The following UMODL1 variants were observed in gnomAD, a reference collection of about 807,000 sequenced individuals.
UMODL1 encodes uromodulin-like 1.
A neutral mutation model predicts 136.3 loss-of-function variants in UMODL1; 128 were observed. The ratio of observed to expected loss-of-function variants is 0.94; its 90% CI spans 0.81 to 1.09. The LOEUF (loss-of-function observed/expected upper bound fraction) is 1.09, where lower values mean the gene tolerates loss of function less well. Among genes scored for constraint, UMODL1 ranks in the 50% least tolerant of loss-of-function variants. The probability of loss-of-function intolerance (pLI) is 0.00; values close to 1 mark genes in which losing one functional copy is unlikely to be tolerated. For missense variants in UMODL1, 1,766 were observed against 1,725.6 expected (o/e 1.02, Z -0.41); for synonymous variants, 721 against 720.0 (o/e 1.00, Z -0.02).
intron 2 of UMODL1, among the ~76,000 whole-genome samples, chr21:42,077,572 A>T (rs1040268880): frequency 6.6e-6 from 1 of 152,264 alleles, no homozygotes; most frequent in African/African-American, 2.4e-5. Context: ...GGTGATAGAC[A>T]CGAGGCTTTG....
intron 7 of UMODL1, 154 bp from the exon 8 acceptor site, chr21:42,102,012 T>C (rs2066640485): frequency 1.2e-5 from 7 of 580,834 alleles, no homozygotes; most frequent in Non-Finnish European, 1.8e-5. Context: ...GTTTCTTACA[T>C]TTATTTCCCC....
At chr21:42,120,486 G>A (rs1445936928) in intron 15 of UMODL1, 2 of 152,226 alleles carry the variant, frequency 1.3e-5, no homozygotes, top group African/African-American at 4.8e-5. Context: ...CCCCGCCCCG[G>A]GCTGTTATGC....
Position 42,109,616 on chromosome 21 carries a change from G to A in UMODL1, c.1574G>A (p.Cys525Tyr), listed in dbSNP as rs2066786658. The A allele has an allele frequency of 1.2e-6, 2 of 1,611,056 alleles. No homozygotes were observed. The highest frequency in any genetic ancestry group is 2.2e-5 in the South Asian group (2 of 91,080). ...AEHDCSPAAWCINLEGSYTCQ... is the reference protein window; with the variant it reads ...AEHDCSPAAWYINLEGSYTCQ... ...CACGACTGCTCACCGGCTGCCTGGTGCATCAACCTGGAGGGCTCCTACACC... is the reference window on the plus strand; with the variant it reads ...CACGACTGCTCACCGGCTGCCTGGTACATCAACCTGGAGGGCTCCTACACC... Residue 525 changes from cysteine (C) to tyrosine (Y), a missense_variant, in exon 10 of 23, where the codon TGC becomes TAC. Coordinates refer to ENST00000408910, the MANE Select transcript of UMODL1 (RefSeq NM_001004416.3).
chr21:42,101,760 G>C (rs913058560), intron 7 of UMODL1: 1 of 456,866 alleles, frequency 2.2e-6, no homozygotes, highest in African/African-American at 2.0e-5. Context: ...AACCTCCCGG[G>C]CAGGTTGGAA....
chr21:42,102,284 G>GC lies in UMODL1; in HGVS notation c.1299+8dup, dbSNP rs1254300513. The GC allele has an allele frequency of 1.9e-6, 3 of 1,591,268 alleles. No homozygotes were observed. The African/African-American group carries it at 4.0e-5, about 21-fold the overall frequency. On this transcript the variant is annotated splice_region_variant and intron_variant, in intron 8 of 22. Transcript: ENST00000408910. ...CTAGACAACTGCTTCACGAGGTAAA[G>GC]CCACAATGCAGACAGAAATCTTTTC... is the stretch of plus-strand genomic sequence containing the variant.
intron 5 of UMODL1, among the ~76,000 whole-genome samples, chr21:42,089,565 C>T (rs2066465976): frequency 6.6e-6 from 1 of 152,168 alleles, no homozygotes; most frequent in African/African-American, 2.4e-5. Flanking sequence ...TTAGAAAGAA[C>T]CTGTTATAGG....
intron 2 of UMODL1, among the ~76,000 whole-genome samples, chr21:42,083,514 T>C (rs2066387273): frequency 6.6e-6 from 1 of 152,232 alleles, no homozygotes; most frequent in Admixed American, 6.5e-5. Flanking sequence ...TCTGCAGAGC[T>C]GCTCCGAGCT....
intron 7 of UMODL1, among the ~76,000 whole-genome samples, chr21:42,100,648 C>A (rs914071779): frequency 2.0e-5 from 3 of 152,022 alleles, no homozygotes; most frequent in Non-Finnish European, 4.4e-5. Context: ...ATTACAGAAC[C>A]ATCCTCCAGG....
At chr21:42,121,345 T>C in intron 16 of UMODL1, 121 bp downstream of exon 16, 1 of 1,255,532 alleles carries the variant, frequency 8.0e-7, no homozygotes, top group Non-Finnish European at 1.1e-6. Flanking sequence ...CTGGGGAAGT[T>C]TCCTGTGTGT....
intron 9 of UMODL1, among the ~76,000 whole-genome samples, chr21:42,104,434 TTTTTCTTTTTCTTTTC>T (rs1038509614): frequency 5.3e-5 from 8 of 151,934 alleles, no homozygotes; most frequent in Middle Eastern, 3.2e-3. Flanking sequence ...TCTTTTCTTT[TTTTTCTTTTTCTTTTC>T]TTTTCTTTTT....
intron 21 of UMODL1, among the ~76,000 whole-genome samples, chr21:42,135,835 G>A (rs1467157111): frequency 1.3e-5 from 2 of 152,208 alleles, no homozygotes; most frequent in Admixed American, 6.5e-5. Flanking sequence ...ATCCGACAGT[G>A]CCATTGTTGG....
chr21:42,087,231 G>C (rs1308789464), intron 4 of UMODL1, among the ~76,000 whole-genome samples: 2 of 152,316 alleles, frequency 1.3e-5, no homozygotes, highest in South Asian at 2.1e-4. Flanking sequence ...ACCAGCAGGG[G>C]CTGGTCTCTG....
At chr21:42,141,808 C>G (rs1163782632) in intron 22 of UMODL1, among the ~76,000 whole-genome samples, 1 of 152,136 alleles carries the variant, frequency 6.6e-6, no homozygotes, top group Non-Finnish European at 1.5e-5. Context: ...GCAGGGGCCC[C>G]AGCTGTGCTC....
At chr21:42,135,922 G>A (rs530910354) in intron 21 of UMODL1, among the ~76,000 whole-genome samples, 6 of 152,308 alleles carry the variant, frequency 3.9e-5, no homozygotes, top group African/African-American at 7.2e-5. Flanking sequence ...CAGACTGCCC[G>A]GAAATCAATA....
intron 2 of UMODL1, among the ~76,000 whole-genome samples, chr21:42,080,937 A>C (rs2066354256): frequency 6.6e-6 from 1 of 152,214 alleles, no homozygotes; most frequent in African/African-American, 2.4e-5. Context: ...CTTAACTGTC[A>C]GTTGTTTCCA....
intron 17 of UMODL1, among the ~76,000 whole-genome samples, chr21:42,125,031 G>C (rs1476724999): frequency 4.6e-5 from 7 of 152,116 alleles, no homozygotes; most frequent in Non-Finnish European, 1.0e-4. Context: ...AGCCTTGAGG[G>C]GGTGCTGCTT....
At chr21:42,133,789 G>T (rs1340145209) in intron 21 of UMODL1, among the ~76,000 whole-genome samples, 1 of 152,136 alleles carries the variant, frequency 6.6e-6, no homozygotes, top group Non-Finnish European at 1.5e-5. Flanking sequence ...TTGGACTAGG[G>T]GCCTATCTAC....
At chr21:42,096,828 T>G (rs1020331715) in intron 6 of UMODL1, among the ~76,000 whole-genome samples, 1 of 152,262 alleles carries the variant, frequency 6.6e-6, no homozygotes, top group Non-Finnish European at 1.5e-5. Context: ...CTTGGGGCTG[T>G]GTCCTGACTG....
At chr21:42,069,099 G>A (rs1982945333), upstream of UMODL1, among the ~76,000 whole-genome samples, 5 of 152,152 alleles carry the variant, frequency 3.3e-5, no homozygotes. Context: ...TACAGTATGG[G>A]GTTGTTTTTC....
Sources: gnomAD v4.1 joint callset for allele counts (sites outside exome capture counted in the v4.1 genomes callset) on GRCh38, gnomAD v4.1.1 for gene constraint, MANE v1.5 for transcripts, NCBI Gene and HGNC (gene_info 2026-07-23, HGNC 2026-07-21) for gene names.